Variants in DENND1A observed in about 807,000 individuals in gnomAD.
DENND1A encodes DENN domain-containing protein 1A.
DENND1A carries 51 observed loss-of-function variants against 113.7 expected under a neutral mutation model. The ratio of observed to expected loss-of-function variants is 0.45; its 90% CI spans 0.36 to 0.57. DENND1A has a LOEUF of 0.57. Among genes scored for constraint, DENND1A ranks in the 20% least tolerant of loss-of-function variants. DENND1A has a pLI of 0.00. For synonymous variants in DENND1A, 565 were observed against 570.8 expected, an observed-to-expected ratio of 0.99 and a Z score of 0.14; for missense variants, 1,258 against 1,395.9, an observed-to-expected ratio of 0.90 and a Z score of 1.57.
intron 13 of DENND1A, among the ~76,000 whole-genome samples, chr9:123,475,471 GC>G (rs2049830108): frequency 6.6e-6 from 1 of 152,242 alleles, no homozygotes; most frequent in South Asian, 2.1e-4. Flanking sequence ...TGGGGTAGAT[GC>G]CACACTGTGT....
intron 11 of DENND1A, among the ~76,000 whole-genome samples, chr9:123,587,891 A>T (rs1481166139): frequency 1.3e-5 from 2 of 152,248 alleles, no homozygotes; most frequent in African/African-American, 2.4e-5. Flanking sequence ...TCGCTCAGAC[A>T]TCAGAATGAG....
intron 13 of DENND1A, among the ~76,000 whole-genome samples, chr9:123,497,813 CA>C (rs755257150): frequency 0.01 from 1,059 of 101,742 alleles, 10 homozygotes; most frequent in African/African-American, 0.03. Flanking sequence ...CTCTTCCATC[CA>C]AAAAAAAAAA....
chr9:123,518,763 G>C (rs1046932691), intron 13 of DENND1A, among the ~76,000 whole-genome samples: 2 of 152,074 alleles, frequency 1.3e-5, no homozygotes, highest in Non-Finnish European at 2.9e-5. Context: ...ACCTGTCTAG[G>C]TGGTCTAGGT....
At chr9:123,681,955 C>A (rs1343081887) in intron 5 of DENND1A, among the ~76,000 whole-genome samples, 4 of 151,484 alleles carry the variant, frequency 2.6e-5, no homozygotes, top group African/African-American at 9.7e-5. Context: ...AACACATGAT[C>A]AGGACATATC....
chr9:123,443,492 C>T (rs2047077999), intron 18 of DENND1A, among the ~76,000 whole-genome samples: 1 of 152,252 alleles, frequency 6.6e-6, no homozygotes, highest in Admixed American at 6.5e-5. Flanking sequence ...AAAAGCAGTG[C>T]TGCACCTTCA....
intron 11 of DENND1A, among the ~76,000 whole-genome samples, chr9:123,587,224 T>C (rs2059218923): frequency 6.6e-6 from 1 of 152,156 alleles, no homozygotes. Flanking sequence ...TTCTTTAACA[T>C]AGCATTTGTA....
chr9:123,426,963 C>G (rs2131971400), intron 19 of DENND1A, among the ~76,000 whole-genome samples: 2 of 152,308 alleles, frequency 1.3e-5, no homozygotes, highest in South Asian at 4.1e-4. Context: ...AAGACAAGCT[C>G]TCTGCCTAGT....
At chr9:123,815,682 A>C (rs907562923) in intron 2 of DENND1A, among the ~76,000 whole-genome samples, 1 of 152,208 alleles carries the variant, frequency 6.6e-6, no homozygotes, top group African/African-American at 2.4e-5. Context: ...ACTTAAAACT[A>C]AATAGTTTTA....
intron 1 of DENND1A, among the ~76,000 whole-genome samples, chr9:123,903,331 C>CAAAAAAAAAAAAA (rs869154918): frequency 3.7e-5 from 1 of 27,020 alleles, no homozygotes; most frequent in African/African-American, 1.2e-4. Flanking sequence ...GACTCCGTCT[C>CAAAAAAAAAAAAA]AAAAAAAAAA....
At chr9:123,782,831 C>A (rs1015819513) in intron 3 of DENND1A, among the ~76,000 whole-genome samples, 2 of 152,120 alleles carry the variant, frequency 1.3e-5, no homozygotes, top group African/African-American at 4.8e-5. Flanking sequence ...TCTCATTTTA[C>A]AAACACCTTT....
chr9:123,413,430 G>T, intron 19 of DENND1A: 1 of 985,402 alleles, frequency 1.0e-6, no homozygotes, highest in African/African-American at 1.7e-5. Context: ...CTGATATAGG[G>T]CTCTACTGAG....
At chr9:123,520,047 T>C (rs1211398015) in intron 13 of DENND1A, among the ~76,000 whole-genome samples, 1 of 148,582 alleles carries the variant, frequency 6.7e-6, no homozygotes, top group Non-Finnish European at 1.5e-5. Context: ...GTGGTCCCAA[T>C]TACATGGGAG....
intron 19 of DENND1A, among the ~76,000 whole-genome samples, chr9:123,421,381 C>T (rs981902931): frequency 2.6e-5 from 4 of 152,006 alleles, no homozygotes; most frequent in Non-Finnish European, 4.4e-5. Flanking sequence ...CGCCTGACTC[C>T]AAAGAAGCCC....
intron 3 of DENND1A, 36 bp from the exon 4 acceptor site, chr9:123,769,599 T>C: frequency 1.3e-6 from 2 of 1,568,172 alleles, no homozygotes; most frequent in East Asian, 4.5e-5. Flanking sequence ...ATACATCTAA[T>C]GGGACCAGTA....
chr9:123,615,319 G>A (rs1324268950), intron 10 of DENND1A, among the ~76,000 whole-genome samples: 1 of 152,244 alleles, frequency 6.6e-6, no homozygotes, highest in Non-Finnish European at 1.5e-5. Flanking sequence ...CACACAGCTA[G>A]TAAGTGGCAG....
At chr9:123,559,423 T>C (rs1330101538) in intron 12 of DENND1A, among the ~76,000 whole-genome samples, 1 of 152,182 alleles carries the variant, frequency 6.6e-6, no homozygotes, top group Non-Finnish European at 1.5e-5. Flanking sequence ...AAATTAGATT[T>C]AGGTGGTCCA....
At chr9:123,526,840 C>A (rs768048316) in intron 13 of DENND1A, among the ~76,000 whole-genome samples, 78 of 152,184 alleles carry the variant, frequency 5.1e-4, no homozygotes, top group Non-Finnish European at 1.2e-4. Context: ...TTACTTTGTA[C>A]CTTTTCTCTA....
At position 123,387,845 on chromosome 9, in the gene DENND1A, A is replaced by C. The variant is rs1178744627; in HGVS notation, c.1645T>G (p.Leu549Val). 7.8e-7 allele frequency: 1 copy of C among 1,289,902 alleles called. No individual in the cohort carries two copies. The highest frequency in any genetic ancestry group is 2.3e-5 in the Admixed American group (1 of 43,544). The allele number at this position is 1,289,902 out of a possible 1,614,324, so 79.9% of individuals were successfully genotyped here. ...VPSPEHLVKP[L>V]RHYAVFLSED... Reference sequence around the variant, plus strand: ...GAGAGGAAGACCGCATAGTGTCGCAAGGGCTTTACCAGGCTGGGGCAGAGG... The same window carrying C: ...GAGAGGAAGACCGCATAGTGTCGCACGGGCTTTACCAGGCTGGGGCAGAGG... Residue 549 changes from leucine (L) to valine (V), a missense_variant, in exon 22 of 24, where the codon TTG becomes GTG. Coordinates refer to ENST00000394215, the MANE Select transcript of DENND1A (RefSeq NM_001352964.2).
chr9:123,788,286 T>A (rs185792596), intron 3 of DENND1A, among the ~76,000 whole-genome samples: 82 of 145,670 alleles, frequency 5.6e-4, no homozygotes, highest in Non-Finnish European at 9.4e-5. Context: ...CTCCGATAGG[T>A]TATTATCTCT....
Sources: allele counts gnomAD v4.1 joint callset (sites outside exome capture counted in the v4.1 genomes callset), GRCh38; gene constraint gnomAD v4.1.1; transcripts MANE v1.5; gene names NCBI Gene and HGNC (gene_info 2026-07-23, HGNC 2026-07-21).